Variants in STX8 observed in about 807,000 individuals in gnomAD.
STX8 encodes syntaxin 8, also known as syntaxin-8.
STX8 carries 23 observed loss-of-function variants against 37.5 expected under a neutral mutation model. That is an observed-to-expected ratio of 0.61 (90% CI 0.44 to 0.87). STX8 has a LOEUF of 0.87. STX8 is among the 40% of genes least tolerant of loss of function. STX8 has a pLI of 0.00. For missense variants in STX8, 313 were observed against 284.7 expected (o/e 1.10, Z -0.71); for synonymous variants, 115 against 99.1 (o/e 1.16, Z -0.95).
intron 3 of STX8, chr17:9,555,375 G>A (rs1004843050): frequency 6.6e-6 from 1 of 152,138 alleles, no homozygotes; most frequent in Admixed American, 6.5e-5. Context: ...CTCTTAATTT[G>A]TATATTTTTC....
At chr17:9,380,052 A>G (rs1205022407) in intron 6 of STX8, among the ~76,000 whole-genome samples, 1 of 152,278 alleles carries the variant, frequency 6.6e-6, no homozygotes, top group Non-Finnish European at 1.5e-5. Context: ...GCCCTTCACA[A>G]CATTTAAAAT....
intron 6 of STX8, among the ~76,000 whole-genome samples, chr17:9,398,130 G>T (rs1912472877): frequency 6.6e-6 from 1 of 152,152 alleles, no homozygotes; most frequent in African/African-American, 2.4e-5. Flanking sequence ...CTTAGGTGTA[G>T]GCTGCATGTA....
At chr17:9,383,104 C>T (rs1049018449) in intron 6 of STX8, among the ~76,000 whole-genome samples, 15 of 152,184 alleles carry the variant, frequency 9.9e-5, no homozygotes, top group African/African-American at 3.6e-4. Context: ...TGTCTATGAA[C>T]CAGGAAACAG....
intron 2 of STX8, among the ~76,000 whole-genome samples, chr17:9,563,710 A>G (rs111775870): frequency 0.012 from 1,882 of 152,336 alleles, 38 homozygotes; most frequent in African/African-American, 0.042. Flanking sequence ...ACTTCTGAAC[A>G]ATGTAAATGT....
chr17:9,450,367 C>T (rs1048416639), intron 6 of STX8, among the ~76,000 whole-genome samples: 1 of 151,962 alleles, frequency 6.6e-6, no homozygotes, highest in Admixed American at 6.5e-5. Flanking sequence ...TGAGCCACCA[C>T]GCCTGACCTT....
At chr17:9,477,283 G>A (rs1906144004) in intron 6 of STX8, among the ~76,000 whole-genome samples, 1 of 152,072 alleles carries the variant, frequency 6.6e-6, no homozygotes, top group South Asian at 2.1e-4. Context: ...AAGTAGTAGG[G>A]GGTTAGTACT....
chr17:9,442,686 G>A (rs944305996), intron 6 of STX8, among the ~76,000 whole-genome samples: 4 of 152,166 alleles, frequency 2.6e-5, no homozygotes, highest in South Asian at 2.1e-4. Flanking sequence ...GGGATTACAG[G>A]AACAAGCCAC....
intron 6 of STX8, among the ~76,000 whole-genome samples, chr17:9,378,943 C>A (rs1263900897): frequency 6.6e-6 from 1 of 152,052 alleles, no homozygotes; most frequent in Non-Finnish European, 1.5e-5. Flanking sequence ...AGCTGTCATT[C>A]AAGTATAAAG....
chr17:9,499,987 T>C (rs949705638), intron 5 of STX8, among the ~76,000 whole-genome samples: 2 of 152,142 alleles, frequency 1.3e-5, no homozygotes, highest in South Asian at 4.1e-4. Flanking sequence ...TGCCAGAAAA[T>C]GCATGAGTAT....
chr17:9,419,546 A>T (rs1325750746), intron 6 of STX8, among the ~76,000 whole-genome samples: 1 of 152,242 alleles, frequency 6.6e-6, no homozygotes, highest in Non-Finnish European at 1.5e-5. Context: ...TCAACAGCAA[A>T]AAGGACAACA....
chr17:9,359,750 C>T (rs991413384), intron 7 of STX8, among the ~76,000 whole-genome samples: 4 of 152,004 alleles, frequency 2.6e-5, no homozygotes, highest in East Asian at 1.9e-4. Flanking sequence ...GCTCGTGATC[C>T]GCCCGCCTTG....
At chr17:9,567,274 C>A (rs1907499881) in intron 2 of STX8, among the ~76,000 whole-genome samples, 1 of 152,114 alleles carries the variant, frequency 6.6e-6, no homozygotes, top group African/African-American at 2.4e-5. Context: ...TACAACAAAC[C>A]CACATATGTA....
chr17:9,463,903 C>T (rs1381316379), intron 6 of STX8, among the ~76,000 whole-genome samples: 11 of 134,688 alleles, frequency 8.2e-5, no homozygotes, highest in Admixed American at 7.5e-5. Flanking sequence ...AGTGAAACTC[C>T]ATCTCAAAAA....
intron 7 of STX8, among the ~76,000 whole-genome samples, chr17:9,362,786 C>T (rs150184195): frequency 0.018 from 2,739 of 148,606 alleles, 48 homozygotes; most frequent in Non-Finnish European, 0.028. Context: ...TGTGCCACTG[C>T]ACTCCAGCCT....
intron 4 of STX8, among the ~76,000 whole-genome samples, chr17:9,515,232 AAGGCAC>A: frequency 6.6e-6 from 1 of 152,212 alleles, no homozygotes; most frequent in Non-Finnish European, 1.5e-5. Flanking sequence ...TTTTACACAG[AAGGCAC>A]TAAAAAATTT....
intron 7 of STX8, among the ~76,000 whole-genome samples, chr17:9,348,142 C>A (rs1334727799): frequency 6.6e-6 from 1 of 151,946 alleles, no homozygotes; most frequent in Admixed American, 6.6e-5. Flanking sequence ...AATATGGGAA[C>A]CTGCTGGGCG....
Position 9,430,106 on chromosome 17 carries a change from T to TC in STX8, c.542-51454_542-51453insG, listed in dbSNP as rs1302804663. ...TATATATTCTATATAATATATATAT[T>TC]TTATATATAAATAAATATAAATATA... is the stretch of plus-strand genomic sequence containing the variant. On this transcript the variant is annotated intron_variant, in intron 6 of 7. Coordinates refer to ENST00000306357, the MANE Select transcript of STX8 (RefSeq NM_004853.3). Among the ~76,000 whole-genome samples the TC allele has an allele frequency of 1.2e-3, 111 of 94,028 alleles. 4 individuals carry two copies. The highest frequency in any genetic ancestry group is 4.2e-3 in the African/African-American group (102 of 24,322). The allele number at this position is 94,028 out of a possible 152,430, so 61.7% of individuals were successfully genotyped here.
chr17:9,359,976 A>G (rs1487994339), intron 7 of STX8, among the ~76,000 whole-genome samples: 1 of 151,880 alleles, frequency 6.6e-6, no homozygotes, highest in Non-Finnish European at 1.5e-5. Context: ...AGGAGTGGGG[A>G]GAAGGTTAAA....
intron 2 of STX8, among the ~76,000 whole-genome samples, chr17:9,558,330 G>A (rs577896659): frequency 1.3e-5 from 2 of 152,206 alleles, no homozygotes; most frequent in South Asian, 2.1e-4. Flanking sequence ...TAACTCAAGC[G>A]GACTCCCTCC....
Sources: allele counts gnomAD v4.1 joint callset (sites outside exome capture counted in the v4.1 genomes callset), GRCh38; gene constraint gnomAD v4.1.1; transcripts MANE v1.5; gene names NCBI Gene and HGNC (gene_info 2026-07-23, HGNC 2026-07-21).